SNN: variants seen among roughly 807,000 people sequenced by gnomAD.
SNN encodes the protein AG8_1.
A neutral mutation model predicts 5.3 loss-of-function variants in SNN; 5 were observed. That is an observed-to-expected ratio of 0.94 (90% CI 0.49 to 1.97). SNN has a LOEUF of 1.97. Ranked by LOEUF, SNN falls within the 30% of genes most tolerant of loss-of-function variation. The pLI is 0.01. For missense variants in SNN, 127 were observed against 121.6 expected (o/e 1.04, Z -0.21); for synonymous variants, 67 against 52.1 (o/e 1.29, Z -1.24).
In SNN at chr16:11,672,288, T is replaced by A; in HGVS notation, c.-85-3687T>A. On this transcript the variant is annotated intron_variant, in intron 1 of 1. Coordinates refer to ENST00000329565, the MANE Select transcript of SNN (RefSeq NM_003498.6). The surrounding 1 kb of genome is among the most constrained non-coding windows in gnomAD (Gnocchi z 6.0). Reference sequence around the variant, plus strand: ...GAGACAGCAGCCAGGGGACAGCCCCTGAGCCTAGAGAAGGGCAGGTAGCAA... The same window carrying A: ...GAGACAGCAGCCAGGGGACAGCCCCAGAGCCTAGAGAAGGGCAGGTAGCAA... Among the ~76,000 whole-genome samples the A allele has an allele frequency of 6.6e-6, 1 of 152,140 alleles. No homozygotes were observed. Among genetic ancestry groups the A allele is most frequent in the Admixed American group, 6.5e-5 (1 of 15,284 alleles).
At chr16:11,673,818 T>C (rs1240139679) in intron 1 of SNN, among the ~76,000 whole-genome samples, 2 of 152,102 alleles carry the variant, frequency 1.3e-5, no homozygotes, top group African/African-American at 2.4e-5. Flanking sequence ...CTGCAGGTCA[T>C]TGTGAGGACT....
chr16:11,669,998 T>C (rs2050257052), intron 1 of SNN, among the ~76,000 whole-genome samples: 1 of 152,158 alleles, frequency 6.6e-6, no homozygotes, highest in South Asian at 2.1e-4. Flanking sequence ...TGGTCCTGGC[T>C]TCTGGAGGGC....
intron 1 of SNN, among the ~76,000 whole-genome samples, chr16:11,669,376 C>G (rs758956970): frequency 6.6e-6 from 1 of 152,246 alleles, no homozygotes; most frequent in Non-Finnish European, 1.5e-5. Context: ...CTGTCCGCGG[C>G]CCCTCAGGCA....
chr16:11,675,936 A>G (rs1213292497), intron 1 of SNN, 39 bp from the exon 2 acceptor site: 22 of 999,186 alleles, frequency 2.2e-5, no homozygotes, highest in Non-Finnish European at 3.2e-5. Flanking sequence ...ACCCCGTGGA[A>G]GTGCTAACCG....
At position 11,668,818 on chromosome 16, in the gene SNN, C is replaced by A. The variant is rs2050245607; in HGVS notation, c.-86+278C>A. 6.6e-6 allele frequency among the ~76,000 whole-genome samples: 1 copy of A among 151,210 alleles called. No individual in the cohort carries two copies. The highest frequency in any genetic ancestry group is 6.6e-5 in the Admixed American group (1 of 15,258). On this transcript the variant is annotated intron_variant, in intron 1 of 1. Transcript: ENST00000329565. This position sits in a 1 kb window ranked among gnomAD's most constrained non-coding sequence, Gnocchi z 6.8. ...AGGCCGCTTTGTGGGGATCGCGGGG[C>A]GCTCGCCCCCGCCCGTGCAGCCCCC...
chr16:11,668,988 A>G lies in SNN; in HGVS notation c.-86+448A>G, dbSNP rs2050247088. On this transcript the variant is annotated intron_variant, in intron 1 of 1. Transcript: ENST00000329565. The surrounding 1 kb of genome is among the most constrained non-coding windows in gnomAD (Gnocchi z 6.8). ...GGTAGGGAAACTGAGGCCGGGCCGCAGCGTTCGGCGCCCGGTTCCGTGGGC... is the reference window on the plus strand; with the variant it reads ...GGTAGGGAAACTGAGGCCGGGCCGCGGCGTTCGGCGCCCGGTTCCGTGGGC... Among the ~76,000 whole-genome samples, 1 of 151,930 alleles carries G rather than the reference A, an allele frequency of 6.6e-6. No homozygotes were observed. Among genetic ancestry groups the G allele is most frequent in the Non-Finnish European group, 1.5e-5 (1 of 67,942 alleles).
chr16:11,677,607 G>C lies in SNN; in HGVS notation c.*1281G>C, dbSNP rs200057433. The C allele has an allele frequency of 6.3e-6, 1 of 157,846 alleles. No homozygotes were observed. The highest frequency in any genetic ancestry group is 6.7e-5 in the Admixed American group (1 of 14,932). 9.8% of individuals were successfully genotyped at this position (157,846 alleles called of 1,614,324 possible). Reference sequence around the variant, plus strand: ...TTGACTCTCCCACAGGTGGTGAGCTGGTGGCTCTCTGGTGAGCTAGTGTCT... The same window carrying C: ...TTGACTCTCCCACAGGTGGTGAGCTCGTGGCTCTCTGGTGAGCTAGTGTCT... On this transcript the variant is annotated 3_prime_UTR_variant, in exon 2 of 2. Coordinates refer to ENST00000329565, the MANE Select transcript of SNN (RefSeq NM_003498.6). The surrounding 1 kb of genome is among the most constrained non-coding windows in gnomAD (Gnocchi z 4.2).
At chr16:11,670,018 G>T (rs1263944478) in intron 1 of SNN, among the ~76,000 whole-genome samples, 1 of 152,238 alleles carries the variant, frequency 6.6e-6, no homozygotes, top group East Asian at 1.9e-4. Context: ...CTGGGGCCTT[G>T]TGTGATGCGT....
chr16:11,671,420 C>T lies in SNN; in HGVS notation c.-86+2880C>T, dbSNP rs2050265254. Among the ~76,000 whole-genome samples the T allele has an allele frequency of 6.6e-6, 1 of 152,154 alleles. No homozygotes were observed. Among genetic ancestry groups the T allele is most frequent in the Non-Finnish European group, 1.5e-5 (1 of 68,022 alleles). ...CCAGGCTGTGCTCTGGGTCCTGGCC[C>T]CTCTGCACTTGGAAGACCCCTTGGC... On this transcript the variant is annotated intron_variant, in intron 1 of 1. Transcript: ENST00000329565. The surrounding 1 kb of genome is among the most constrained non-coding windows in gnomAD (Gnocchi z 4.7).
chr16:11,679,063 C>A lies in SNN; in HGVS notation c.*2737C>A. 1.0e-6 allele frequency: 1 copy of A among 982,228 alleles called. No individual in the cohort carries two copies. Among genetic ancestry groups the A allele is most frequent in the Non-Finnish European group, 1.5e-6 (1 of 671,306 alleles). The allele number at this position is 982,228 out of a possible 1,614,324, so 60.8% of individuals were successfully genotyped here. On this transcript the variant is annotated 3_prime_UTR_variant, in exon 2 of 2. Coordinates refer to ENST00000329565, the MANE Select transcript of SNN (RefSeq NM_003498.6). The surrounding 1 kb of genome is among the most constrained non-coding windows in gnomAD (Gnocchi z 4.6). ...GGATGTCATCCTTCTTCAATAAATG[C>A]TGAATGACATTCAAGCTGATTTTCT...
intron 1 of SNN, among the ~76,000 whole-genome samples, chr16:11,669,109 C>A (rs7203637): frequency 0.11 from 17,403 of 152,230 alleles, 1,329 homozygotes; most frequent in African/African-American, 0.2. Flanking sequence ...CAGCTGCCGT[C>A]CCCTCTCCAG....
rs1280448328 is a variant in SNN, at chr16:11,675,247, CTTTTTTTTTTCTTTTT to C, written c.-85-717_-85-702del. 2.6e-3 allele frequency among the ~76,000 whole-genome samples: 356 copies of C among 136,814 alleles called. 3 individuals carry two copies. The highest frequency in any genetic ancestry group is 9.0e-3 in the African/African-American group (337 of 37,538). The allele number at this position is 136,814 out of a possible 152,430, so 89.8% of individuals were successfully genotyped here. On this transcript the variant is annotated intron_variant, in intron 1 of 1. Transcript: ENST00000329565. ...ACTGATGTCATTGTCATTTCTTTTTCTTTTTTTTTTCTTTTTTTTTTTTTTTTTTTGAAGAGACTCT... is the reference window on the plus strand; with the variant it reads ...ACTGATGTCATTGTCATTTCTTTTTCTTTTTTTTTTTTTTGAAGAGACTCT...
chr16:11,675,584 C>T (rs913039401), intron 1 of SNN, among the ~76,000 whole-genome samples: 1 of 152,184 alleles, frequency 6.6e-6, no homozygotes, highest in Non-Finnish European at 1.5e-5. Flanking sequence ...TGCTTTCAAA[C>T]CCCCATCTCT....
At chr16:11,674,501 G>A (rs1313830808) in intron 1 of SNN, among the ~76,000 whole-genome samples, 3 of 152,224 alleles carry the variant, frequency 2.0e-5, no homozygotes, top group Non-Finnish European at 4.4e-5. Flanking sequence ...GACCTTATGT[G>A]CATTCCATAG....
rs572732152 is a variant in SNN, at chr16:11,669,047, C to G, written c.-86+507C>G. 2.5e-3 allele frequency among the ~76,000 whole-genome samples: 387 copies of G among 152,296 alleles called. 1 individual carries two copies. The highest frequency in any genetic ancestry group is 8.8e-3 in the African/African-American group (368 of 41,582). ...CGCGGCGTGGGCATGCCTAGCTCCC[C>G]TGGTCCCCGTCCCACACCCCGCCTC... On this transcript the variant is annotated intron_variant, in intron 1 of 1. Transcript: ENST00000329565.
At chr16:11,675,840 G>A in intron 1 of SNN, 135 bp from the exon 2 acceptor site, 4 of 525,716 alleles carry the variant, frequency 7.6e-6, no homozygotes, top group Non-Finnish European at 1.4e-5. Context: ...GTGAGCGTGG[G>A]TGAGCAGACG....
intron 1 of SNN, among the ~76,000 whole-genome samples, chr16:11,673,692 C>T (rs1336361280): frequency 1.3e-5 from 2 of 152,206 alleles, no homozygotes; most frequent in East Asian, 1.9e-4. Flanking sequence ...AAGGGTAAGC[C>T]GCCAGAACGT....
At chr16:11,669,750 G>A (rs1454005458) in intron 1 of SNN, among the ~76,000 whole-genome samples, 1 of 152,172 alleles carries the variant, frequency 6.6e-6, no homozygotes, top group African/African-American at 2.4e-5. Flanking sequence ...ACAGGGTGGG[G>A]GCATGAGCCT....
At chr16:11,670,228 G>A (rs960742092) in intron 1 of SNN, among the ~76,000 whole-genome samples, 2 of 152,052 alleles carry the variant, frequency 1.3e-5, no homozygotes, top group Non-Finnish European at 2.9e-5. Context: ...ATGGGGGGAG[G>A]CAGTACTGAA....
Sources: gnomAD v4.1 joint callset for allele counts (sites outside exome capture counted in the v4.1 genomes callset) on GRCh38, gnomAD v4.1.1 for gene constraint, Gnocchi (gnomAD v3.1) non-coding constraint, MANE v1.5 for transcripts, NCBI Gene and HGNC (gene_info 2026-07-23, HGNC 2026-07-21) for gene names.